Variants in LMF1 observed in about 807,000 individuals in gnomAD.
LMF1 encodes lipase maturation factor 1.
In LMF1, 68 loss-of-function variants were observed where a neutral mutation model predicts 60.6. That is an observed-to-expected ratio of 1.12 (90% CI 0.92 to 1.37). The LOEUF (loss-of-function observed/expected upper bound fraction) is 1.37. Ranked by LOEUF, LMF1 falls within the 40% of genes most tolerant of loss-of-function variation. The pLI is 0.00. For missense variants in LMF1, 948 were observed against 767.2 expected, an observed-to-expected ratio of 1.24 and a Z score of -2.78; for synonymous variants, 418 against 324.7, an observed-to-expected ratio of 1.29 and a Z score of -3.09.
chr16:892,128 C>T (rs776036650), intron 5 of LMF1, among the ~76,000 whole-genome samples: 17 of 152,232 alleles, frequency 1.1e-4, no homozygotes, highest in Non-Finnish European at 2.2e-4. Flanking sequence ...CGCGTGAGGA[C>T]GGTGCCAGCT....
chr16:879,606 C>T lies in LMF1; in HGVS notation c.861G>A (p.Ala287=), dbSNP rs61740409. ...VPFFLFLGRR[A]CIIHGVLQIL... is the part of the protein sequence containing the mutation. The stretch of plus-strand genomic sequence containing the variant: ...TCTGCAGCACCCCGTGGATGATGCA[C>T]GCCCGCCGGCCGAGGAAGAGGAAGA... Residue 287 remains alanine, a synonymous_variant, in exon 6 of 11, where the codon GCG becomes GCA. Transcript: ENST00000262301. 0.014 allele frequency: 22,475 copies of T among 1,613,034 alleles called. 1,300 individuals carry two copies. The African/African-American group carries it at 0.15, about 11-fold the overall frequency.
intron 3 of LMF1, among the ~76,000 whole-genome samples, chr16:932,009 C>G (rs572789125): frequency 1.3e-4 from 20 of 152,232 alleles, no homozygotes; most frequent in Admixed American, 5.2e-4. Flanking sequence ...GCGCAGCCCC[C>G]GACGGCGGCC....
chr16:931,825 C>T lies in LMF1; in HGVS notation c.514+2419G>A, dbSNP rs1215188731. On this transcript the variant is annotated intron_variant, in intron 3 of 10. Coordinates refer to ENST00000262301, the MANE Select transcript of LMF1 (RefSeq NM_022773.4). ...GGTCAGACACAACATGAAACTCAGG[C>T]TCACGAGGGCTCTCAGGCGGAAAAC... 3 of 1,273,288 alleles carry T rather than the reference C, an allele frequency of 2.4e-6. No homozygotes were observed. The East Asian group carries it at 1.7e-4, about 72-fold the overall frequency. The allele number at this position is 1,273,288 out of a possible 1,614,324, so 78.9% of individuals were successfully genotyped here. A position where few individuals can be genotyped will look rare whatever the true frequency, so the allele number is the denominator to read the frequency against.
chr16:937,576 G>A (rs34227445), intron 2 of LMF1, among the ~76,000 whole-genome samples: 3,072 of 151,994 alleles, frequency 0.02, 53 homozygotes, highest in Middle Eastern at 0.044. Flanking sequence ...CTGTGCTAGG[G>A]AGGCAGCAAG....
intron 3 of LMF1, among the ~76,000 whole-genome samples, chr16:924,646 C>G (rs7188246): frequency 0.43 from 66,055 of 151,918 alleles, 15,738 homozygotes; most frequent in African/African-American, 0.63. Context: ...CAGGGACATA[C>G]CCAGAAGTGG....
At chr16:948,728 T>TGACAGAGTCAGAGCCAAC (rs1555471469) in intron 2 of LMF1, among the ~76,000 whole-genome samples, 2 of 66,488 alleles carry the variant, frequency 3.0e-5, no homozygotes, top group African/African-American at 1.6e-4. Flanking sequence ...AGTCAGCCAA[T>TGACAGAGTCAGAGCCAAC]GACAGAGTCA....
chr16:911,218 T>A, intron 3 of LMF1, 139 bp from the exon 4 acceptor site: 1 of 991,122 alleles, frequency 1.0e-6, no homozygotes, highest in Admixed American at 2.0e-5. Context: ...AGCCCGCACG[T>A]ATTAGTCTCA....
At chr16:912,080 C>T (rs1042559145) in intron 3 of LMF1, among the ~76,000 whole-genome samples, 8 of 152,292 alleles carry the variant, frequency 5.3e-5, no homozygotes, top group Middle Eastern at 3.4e-3. Flanking sequence ...CCCCACAGGC[C>T]GGGCTCCCTC....
Position 928,671 on chromosome 16 carries a change from C to T in LMF1, c.514+5573G>A, listed in dbSNP as rs544068152. On this transcript the variant is annotated intron_variant, in intron 3 of 10. Transcript: ENST00000262301. ...ACCATCAACAGCCCGGTTCCCTGCA[C>T]GAGCCCATCCCCACGCCCCCACGAG... 2.7e-3 allele frequency among the ~76,000 whole-genome samples: 409 copies of T among 151,868 alleles called. 5 individuals are homozygous for T. The highest frequency in any genetic ancestry group is 9.4e-3 in the African/African-American group (389 of 41,448).
intron 1 of LMF1, chr16:976,381 C>T (rs1459419526): frequency 2.2e-6 from 1 of 454,154 alleles, no homozygotes; most frequent in Admixed American, 2.3e-5. Flanking sequence ...CAGCACCCTC[C>T]TGTACACGGC....
intron 5 of LMF1, among the ~76,000 whole-genome samples, chr16:892,501 G>A (rs1445446892): frequency 1.3e-5 from 2 of 152,248 alleles, no homozygotes; most frequent in African/African-American, 4.8e-5. Flanking sequence ...CAGGAACTGG[G>A]GCGTCTGAAG....
chr16:890,116 G>A (rs1046216375), intron 5 of LMF1, among the ~76,000 whole-genome samples: 4 of 152,144 alleles, frequency 2.6e-5, no homozygotes, highest in African/African-American at 4.8e-5. Flanking sequence ...CCACTGCTCC[G>A]TCTGTCGAGT....
intron 3 of LMF1, 139 bp from the exon 4 acceptor site, chr16:911,218 T>C (rs2071103676): frequency 2.0e-6 from 2 of 991,122 alleles, no homozygotes; most frequent in Non-Finnish European, 3.1e-6. Context: ...AGCCCGCACG[T>C]ATTAGTCTCA....
intron 1 of LMF1, among the ~76,000 whole-genome samples, chr16:977,418 C>T (rs2151507889): frequency 6.6e-6 from 1 of 152,332 alleles, no homozygotes; most frequent in African/African-American, 2.4e-5. Context: ...CCTCTGCTCA[C>T]AGCCTGCGCC....
At chr16:968,281 C>G (rs997137275) in intron 1 of LMF1, 5 of 152,274 alleles carry the variant, frequency 3.3e-5, no homozygotes, top group African/African-American at 1.2e-4. Context: ...TTCTCCTGAT[C>G]TGTACATCTT....
chr16:931,766 C>T (rs992183571), intron 3 of LMF1: 7 of 1,287,078 alleles, frequency 5.4e-6, no homozygotes, highest in Admixed American at 4.6e-5. Context: ...AATTTCTGCG[C>T]GACAGTCCAA....
chr16:911,677 G>A (rs1395716204), intron 3 of LMF1, among the ~76,000 whole-genome samples: 48 of 124,858 alleles, frequency 3.8e-4, no homozygotes, highest in Non-Finnish European at 6.7e-4. Context: ...GGGCAGCACT[G>A]GGGGAGCAGC....
intron 2 of LMF1, among the ~76,000 whole-genome samples, chr16:948,906 GCCA>G (rs1233533153): frequency 1.0e-5 from 1 of 97,550 alleles, no homozygotes; most frequent in Non-Finnish European, 1.9e-5. Flanking sequence ...GACAGAGTCA[GCCA>G]ACGACAGAGT....
At chr16:915,942 C>T (rs1051066512) in intron 3 of LMF1, among the ~76,000 whole-genome samples, 2 of 152,098 alleles carry the variant, frequency 1.3e-5, no homozygotes, top group Non-Finnish European at 2.9e-5. Context: ...CACCCAGGCG[C>T]TGCCTGGCCA....
Sources: gnomAD v4.1 joint callset for allele counts (sites outside exome capture counted in the v4.1 genomes callset) on GRCh38, gnomAD v4.1.1 for gene constraint, MANE v1.5 for transcripts, NCBI Gene and HGNC (gene_info 2026-07-23, HGNC 2026-07-21) for gene names.